The following ATG7 variants were observed in gnomAD, a reference collection of about 807,000 sequenced individuals.
The protein encoded by ATG7 is ubiquitin-like modifier-activating enzyme ATG7.
A neutral mutation model predicts 82.4 loss-of-function variants in ATG7; 70 were observed. The observed-to-expected ratio is 0.85, with a 90% confidence interval of 0.70 to 1.04. ATG7 has a LOEUF of 1.04. Among genes scored for constraint, ATG7 ranks in the 50% least tolerant of loss-of-function variants. The probability of loss-of-function intolerance (pLI) is 0.00; values close to 1 mark genes in which losing one functional copy is unlikely to be tolerated. For synonymous variants in ATG7, 287 were observed against 313.0 expected (o/e 0.92, Z 0.88); for missense variants, 792 against 864.3 (o/e 0.92, Z 1.05).
At chr3:11,351,181 G>C (rs1204841737) in intron 14 of ATG7, among the ~76,000 whole-genome samples, 1 of 152,136 alleles carries the variant, frequency 6.6e-6, no homozygotes, top group African/African-American at 2.4e-5. Flanking sequence ...CCGTGTTCCA[G>C]GGACAGGGGA....
chr3:11,570,481 C>T, the ATG7 span, among the ~76,000 whole-genome samples: 3 of 152,180 alleles, frequency 2.0e-5, no homozygotes, highest in Non-Finnish European at 1.5e-5. Context: ...CGTGCACTCC[C>T]GGGAAGGCTG....
At position 11,336,036 on chromosome 3, in the gene ATG7, ATTTTTTTTT is replaced by A. The variant is rs541306159; in HGVS notation, c.889+2958_889+2966del. On this transcript the variant is annotated intron_variant, in intron 11 of 20. Transcript: ENST00000693202. ...CAGGCATGAGCCACTGTGCCCGGTCATTTTTTTTTTTTTTTTTTTTTTTGAGACAGTCTC... is the reference window on the plus strand; with the variant it reads ...CAGGCATGAGCCACTGTGCCCGGTCATTTTTTTTTTTTTTGAGACAGTCTC... Among the ~76,000 whole-genome samples the A allele has an allele frequency of 2.7e-5, 3 of 111,696 alleles. No individual in the cohort carries two copies. The Admixed American group carries it at 2.8e-4, about 10-fold the overall frequency. The allele number at this position is 111,696 out of a possible 152,430, so 73.3% of individuals were successfully genotyped here.
chr3:11,359,349 G>T (rs1337639555), intron 15 of ATG7, among the ~76,000 whole-genome samples: 1 of 152,024 alleles, frequency 6.6e-6, no homozygotes, highest in Non-Finnish European at 1.5e-5. Flanking sequence ...TCAGATATTT[G>T]GGATAATAAG....
intron 3 of ATG7, among the ~76,000 whole-genome samples, chr3:11,291,149 G>T (rs1944921665): frequency 6.6e-6 from 1 of 152,202 alleles, no homozygotes; most frequent in Admixed American, 6.5e-5. Context: ...AGTTACATTT[G>T]TCCTTGAAGA....
rs2072420584 is a variant in ATG7, at chr3:11,556,452, T to C, written c.*1609T>C. 6.6e-6 allele frequency: 1 copy of C among 152,382 alleles called. No homozygotes were observed. Among genetic ancestry groups the C allele is most frequent in the Non-Finnish European group, 1.5e-5 (1 of 67,974 alleles). The allele number at this position is 152,382 out of a possible 1,614,324, so 9.4% of individuals were successfully genotyped here. A position where few individuals can be genotyped will look rare whatever the true frequency, so the allele number is the denominator to read the frequency against. On this transcript the variant is annotated 3_prime_UTR_variant, in exon 21 of 21. Transcript: ENST00000693202. ...CTGACAAAGAGACCTGTCCCAGGAG[T>C]GTCCTCCACCGAGCCGGTCAGCTGT...
rs916684813 is a variant in ATG7 at position 11,556,179 on chromosome 3, G to A, written c.*1336G>A. The A allele has an allele frequency of 2.0e-5, 3 of 152,506 alleles. No individual in the cohort carries two copies. The highest frequency in any genetic ancestry group is 1.3e-4 in the Admixed American group (2 of 15,262). The allele number at this position is 152,506 out of a possible 1,614,324, so 9.4% of individuals were successfully genotyped here. ...CCAGGAAAAACAGGCCACAGAGAAT[G>A]GTATATTACAGATTTACACACATGA... On this transcript the variant is annotated 3_prime_UTR_variant, in exon 21 of 21. Coordinates refer to ENST00000693202, the MANE Select transcript of ATG7 (RefSeq NM_001349232.2).
intron 20 of ATG7, among the ~76,000 whole-genome samples, chr3:11,497,958 G>T (rs985328653): frequency 2.6e-5 from 4 of 152,214 alleles, no homozygotes; most frequent in Admixed American, 2.0e-4. Context: ...GACCTGACTC[G>T]TCGGGTAGAC....
rs530457220 is a variant in ATG7, at chr3:11,447,306, A to T, written c.2079+20380A>T. On this transcript the variant is annotated intron_variant, in intron 20 of 20. Coordinates refer to ENST00000693202, the MANE Select transcript of ATG7 (RefSeq NM_001349232.2). ...TGGTGAAACCCCATCTCTACTAAAA[A>T]TATAGAAAAAATTAGCCTGGTGTGG... is the stretch of plus-strand genomic sequence containing the variant. Among the ~76,000 whole-genome samples, 17 of 152,130 alleles carry T rather than the reference A, an allele frequency of 1.1e-4. No homozygotes were observed. The South Asian group carries it at 3.3e-3, about 30-fold the overall frequency.
intron 20 of ATG7, among the ~76,000 whole-genome samples, chr3:11,511,892 G>T (rs1005108758): frequency 6.6e-6 from 1 of 152,094 alleles, no homozygotes; most frequent in South Asian, 2.1e-4. Flanking sequence ...TGCTCCGAAT[G>T]CGGGGCCCAC....
chr3:11,505,140 T>G (rs912255336), intron 20 of ATG7, among the ~76,000 whole-genome samples: 1 of 152,208 alleles, frequency 6.6e-6, no homozygotes, highest in African/African-American at 2.4e-5. Flanking sequence ...GCCTTGGAAT[T>G]ATTTGGCTCT....
intron 20 of ATG7, among the ~76,000 whole-genome samples, chr3:11,492,533 CAG>C (rs1231767605): frequency 2.0e-5 from 3 of 151,876 alleles, no homozygotes; most frequent in African/African-American, 4.8e-5. Flanking sequence ...GGACTCGTGA[CAG>C]GGGTTCCCTG....
intron 20 of ATG7, among the ~76,000 whole-genome samples, chr3:11,439,069 CTTTT>C (rs67206280): frequency 8.2e-6 from 1 of 121,970 alleles, no homozygotes; most frequent in Non-Finnish European, 1.6e-5. Flanking sequence ...TTCTTTCTTT[CTTTT>C]TTTTTTTTTT....
At chr3:11,466,985 G>T (rs1477611917) in intron 20 of ATG7, among the ~76,000 whole-genome samples, 1 of 152,094 alleles carries the variant, frequency 6.6e-6, no homozygotes, top group African/African-American at 2.4e-5. Context: ...AAAATTAGGT[G>T]TGGTGGCGGG....
At chr3:11,288,297 A>G (rs1212221938) in intron 3 of ATG7, among the ~76,000 whole-genome samples, 2 of 152,178 alleles carry the variant, frequency 1.3e-5, no homozygotes, top group African/African-American at 2.4e-5. Context: ...ATCTTACTAT[A>G]TAGCATCCAT....
chr3:11,320,305 G>C (rs1246852194), intron 9 of ATG7, among the ~76,000 whole-genome samples: 1 of 149,178 alleles, frequency 6.7e-6, no homozygotes, highest in East Asian at 2.0e-4. Flanking sequence ...TTTTTTTTGA[G>C]ATGGAGTTTC....
intron 20 of ATG7, among the ~76,000 whole-genome samples, chr3:11,502,201 C>CT (rs565183236): frequency 0.015 from 2,190 of 144,934 alleles, 41 homozygotes; most frequent in African/African-American, 0.051. Flanking sequence ...ACGTTAAATT[C>CT]TTTTTTTTTT....
intron 20 of ATG7, among the ~76,000 whole-genome samples, chr3:11,546,465 C>G (rs1409773121): frequency 6.6e-6 from 1 of 152,156 alleles, no homozygotes; most frequent in African/African-American, 2.4e-5. Flanking sequence ...AGCCACTGCG[C>G]CCAGCCTTAT....
At chr3:11,402,477 A>G (rs1220108944) in intron 19 of ATG7, among the ~76,000 whole-genome samples, 1 of 152,204 alleles carries the variant, frequency 6.6e-6, no homozygotes, top group African/African-American at 2.4e-5. Context: ...CTAGGGGCTG[A>G]TAAGACCCTG....
intron 20 of ATG7, among the ~76,000 whole-genome samples, chr3:11,429,000 CATGG>C (rs2082612070): frequency 6.6e-6 from 1 of 152,180 alleles, no homozygotes; most frequent in African/African-American, 2.4e-5. Context: ...CAGAAGGGAG[CATGG>C]TTTCATCCAC....
Sources: allele counts gnomAD v4.1 joint callset (sites outside exome capture counted in the v4.1 genomes callset), GRCh38; gene constraint gnomAD v4.1.1; transcripts MANE v1.5; gene names NCBI Gene and HGNC (gene_info 2026-07-23, HGNC 2026-07-21).